Variants in CEP83 observed in about 807,000 individuals in gnomAD.
CEP83 encodes the protein centrosomal protein 83.
In CEP83, 70 loss-of-function variants were observed where a neutral mutation model predicts 101.9. The observed-to-expected ratio is 0.69, with a 90% CI of 0.57 to 0.84. The LOEUF (loss-of-function observed/expected upper bound fraction) is 0.84. Ranked by LOEUF, CEP83 falls within the 40% of genes least tolerant of loss-of-function variation. The probability of loss-of-function intolerance (pLI) is 0.00; values close to 1 mark genes in which losing one functional copy is unlikely to be tolerated. For missense variants in CEP83, 715 were observed against 787.2 expected (o/e 0.91, Z 1.10); for synonymous variants, 264 against 267.9 (o/e 0.99, Z 0.14).
chr12:94,408,347 A>C (rs1159609188), intron 4 of CEP83, among the ~76,000 whole-genome samples: 1 of 152,186 alleles, frequency 6.6e-6, no homozygotes, highest in African/African-American at 2.4e-5. Flanking sequence ...TAATGACTGA[A>C]ACTGAGTATT....
At chr12:94,398,178 G>A (rs1047047328) in intron 6 of CEP83, among the ~76,000 whole-genome samples, 2 of 152,210 alleles carry the variant, frequency 1.3e-5, no homozygotes, top group East Asian at 1.9e-4. Context: ...AAGCTGGAGA[G>A]AATGGGCATT....
At chr12:94,357,147 A>G (rs1424941640) in intron 11 of CEP83, among the ~76,000 whole-genome samples, 1 of 152,184 alleles carries the variant, frequency 6.6e-6, no homozygotes, top group Non-Finnish European at 1.5e-5. Context: ...GCTTTCCACA[A>G]TGCTAATCCC....
chr12:94,437,725 A>T (rs1468435835), intron 1 of CEP83, among the ~76,000 whole-genome samples: 1 of 152,226 alleles, frequency 6.6e-6, no homozygotes, highest in East Asian at 1.9e-4. Context: ...AAGAACTGCT[A>T]AAAGGAGTTC....
At chr12:94,453,135 G>T (rs2067380405) in intron 1 of CEP83, among the ~76,000 whole-genome samples, 2 of 152,038 alleles carry the variant, frequency 1.3e-5, no homozygotes, top group African/African-American at 4.8e-5. Flanking sequence ...TTTCCAAAAC[G>T]TTACCCTACT....
chr12:94,415,287 T>C (rs2064184376), intron 2 of CEP83, among the ~76,000 whole-genome samples: 1 of 152,096 alleles, frequency 6.6e-6, no homozygotes, highest in Admixed American at 6.5e-5. Flanking sequence ...GGTAAAATGA[T>C]TGTTTCAGTA....
At chr12:94,409,860 T>C (rs1181234082) in intron 4 of CEP83, among the ~76,000 whole-genome samples, 1 of 152,112 alleles carries the variant, frequency 6.6e-6, no homozygotes, top group Non-Finnish European at 1.5e-5. Flanking sequence ...TCCTCTTTTT[T>C]TAAGGACACC....
chr12:94,285,972 T>C, the CEP83 span, among the ~76,000 whole-genome samples: 69 of 152,236 alleles, frequency 4.5e-4, 1 homozygote, highest in South Asian at 0.013. Flanking sequence ...CTGCCATTAA[T>C]AGGAGGAGGC....
At chr12:94,410,004 G>A (rs1029101845) in intron 4 of CEP83, among the ~76,000 whole-genome samples, 3 of 152,086 alleles carry the variant, frequency 2.0e-5, no homozygotes, top group Non-Finnish European at 4.4e-5. Context: ...ACATATCCTG[G>A]TTGGGGATAC....
At chr12:94,389,056 G>T (rs186960566) in intron 6 of CEP83, among the ~76,000 whole-genome samples, 125 of 152,308 alleles carry the variant, frequency 8.2e-4, no homozygotes, top group Non-Finnish European at 1.3e-3. Context: ...AAACCAAGGA[G>T]GCAGAGGTTG....
At chr12:94,449,663 C>G (rs567729293) in intron 1 of CEP83, among the ~76,000 whole-genome samples, 80 of 149,644 alleles carry the variant, frequency 5.3e-4, no homozygotes, top group Non-Finnish European at 9.3e-4. Context: ...GCCCCAGCCA[C>G]TTGGGAGGCG....
the CEP83 span, among the ~76,000 whole-genome samples, chr12:94,280,750 C>T: frequency 6.6e-6 from 1 of 152,252 alleles, no homozygotes; most frequent in Non-Finnish European, 1.5e-5. Flanking sequence ...ATGTGGCTGT[C>T]ACTACAAAGG....
chr12:94,436,011 G>A (rs557326267), intron 1 of CEP83, among the ~76,000 whole-genome samples: 1 of 151,838 alleles, frequency 6.6e-6, no homozygotes, highest in South Asian at 2.1e-4. Flanking sequence ...CTCCTAGGAA[G>A]CCCCATCCCT....
intron 1 of CEP83, among the ~76,000 whole-genome samples, chr12:94,436,809 A>AG (rs1170542857): frequency 3.3e-5 from 5 of 149,512 alleles, no homozygotes; most frequent in African/African-American, 1.2e-4. Context: ...CCTGGGCAAC[A>AG]GGGGGAGACT....
intron 11 of CEP83, among the ~76,000 whole-genome samples, chr12:94,366,679 T>C (rs997666281): frequency 1.3e-5 from 2 of 152,166 alleles, no homozygotes; most frequent in African/African-American, 4.8e-5. Context: ...TGGGAGGACC[T>C]AGAAGCAATG....
chr12:94,329,144 A>G (rs1264550441), intron 14 of CEP83, among the ~76,000 whole-genome samples: 1 of 152,244 alleles, frequency 6.6e-6, no homozygotes, highest in East Asian at 1.9e-4. Flanking sequence ...CATTTTAAAA[A>G]GTAAAATGAC....
rs549896999 is a variant in CEP83 at position 94,404,737 on chromosome 12, T to C, written c.325-1475A>G. On this transcript the variant is annotated intron_variant, in intron 4 of 16. Transcript: ENST00000397809. ...AAATGAATATATACAATTACATAAA[T>C]AAAATAATTCAAACAAAAGACTAAA... Among the ~76,000 whole-genome samples, 4 of 152,206 alleles carry C rather than the reference T, an allele frequency of 2.6e-5. No individual in the cohort carries two copies. In the South Asian group the frequency reaches 8.3e-4, roughly 32 times the overall value.
intron 2 of CEP83, among the ~76,000 whole-genome samples, chr12:94,422,165 G>T (rs1160877098): frequency 2.0e-5 from 3 of 152,142 alleles, no homozygotes; most frequent in East Asian, 3.8e-4. Flanking sequence ...TCTTTTGGGA[G>T]GTTCTAAGTT....
intron 1 of CEP83, among the ~76,000 whole-genome samples, chr12:94,443,974 A>G (rs972292889): frequency 1.3e-5 from 2 of 152,238 alleles, no homozygotes; most frequent in Non-Finnish European, 2.9e-5. Context: ...GTGATCCACA[A>G]AATTTCTATG....
chr12:94,439,710 A>C (rs2066256997), intron 1 of CEP83, among the ~76,000 whole-genome samples: 1 of 152,168 alleles, frequency 6.6e-6, no homozygotes, highest in Non-Finnish European at 1.5e-5. Context: ...TATTATCCTA[A>C]TAGCAAAACC....
Sources: gnomAD v4.1 joint callset for allele counts (sites outside exome capture counted in the v4.1 genomes callset) on GRCh38, gnomAD v4.1.1 for gene constraint, MANE v1.5 for transcripts, NCBI Gene and HGNC (gene_info 2026-07-23, HGNC 2026-07-21) for gene names.